Variants in MDGA2 observed in about 807,000 individuals in gnomAD.
The protein encoded by MDGA2 is MAM domain-containing glycosylphosphatidylinositol anchor protein 2.
A neutral mutation model predicts 117.8 loss-of-function variants in MDGA2; 40 were observed. That is an observed-to-expected ratio of 0.34 (90% confidence interval 0.26 to 0.44). The LOEUF (loss-of-function observed/expected upper bound fraction) is 0.44, where lower values mean the gene tolerates loss of function less well. MDGA2 is among the 20% of genes least tolerant of loss of function. MDGA2 has a pLI of 1.00. For missense variants in MDGA2, 1,123 were observed against 1,250.6 expected, an observed-to-expected ratio of 0.90 and a Z score of 1.54; for synonymous variants, 452 against 439.0, an observed-to-expected ratio of 1.03 and a Z score of -0.37.
chr14:47,592,119 C>G (rs897646478), intron 1 of MDGA2, among the ~76,000 whole-genome samples: 25 of 152,014 alleles, frequency 1.6e-4, no homozygotes, highest in African/African-American at 6.0e-4. Context: ...AGAGCCAAAT[C>G]ATGAATGAAC....
chr14:47,426,545 A>G (rs1036980169), intron 1 of MDGA2, among the ~76,000 whole-genome samples: 2 of 151,840 alleles, frequency 1.3e-5, no homozygotes, highest in Non-Finnish European at 2.9e-5. Flanking sequence ...TAGTATTACT[A>G]GTTAGATAAT....
At chr14:47,076,954 T>C (rs1349737537) in intron 6 of MDGA2, among the ~76,000 whole-genome samples, 1 of 152,090 alleles carries the variant, frequency 6.6e-6, no homozygotes, top group Admixed American at 6.6e-5. Context: ...TACTCACCCA[T>C]TTTTTAATAA....
chr14:47,548,811 A>C (rs1227445736), intron 1 of MDGA2, among the ~76,000 whole-genome samples: 1 of 152,086 alleles, frequency 6.6e-6, no homozygotes, highest in Non-Finnish European at 1.5e-5. Flanking sequence ...GGCGGACATT[A>C]TCATATCTCC....
intron 3 of MDGA2, among the ~76,000 whole-genome samples, chr14:47,187,958 T>C (rs1884972211): frequency 6.6e-6 from 1 of 152,088 alleles, no homozygotes; most frequent in East Asian, 1.9e-4. Flanking sequence ...CTCTACATTT[T>C]TTATGTTCCA....
chr14:47,621,652 T>G (rs956830590), intron 1 of MDGA2, among the ~76,000 whole-genome samples: 1 of 152,182 alleles, frequency 6.6e-6, no homozygotes, highest in Non-Finnish European at 1.5e-5. Context: ...AGGGATGATG[T>G]TAACTGTTTC....
At chr14:47,047,416 T>C (rs1889303956) in intron 7 of MDGA2, among the ~76,000 whole-genome samples, 1 of 152,164 alleles carries the variant, frequency 6.6e-6, no homozygotes, top group Admixed American at 6.6e-5. Context: ...AAGTGTCCTC[T>C]AAACACTTTG....
chr14:46,956,265 CAACT>C lies in MDGA2; in HGVS notation c.2089+1105_2089+1108del, dbSNP rs1885558354. Among the ~76,000 whole-genome samples the C allele has an allele frequency of 2.6e-5, 4 of 152,116 alleles. No homozygotes were observed. The South Asian group carries it at 8.3e-4, about 32-fold the overall frequency. ...ACTACCATGAACATTTCAACTATTA[CAACT>C]AACTTTACCTATGACAAAGAAAATG... On this transcript the variant is annotated intron_variant, in intron 9 of 16. Coordinates refer to ENST00000399232, the MANE Select transcript of MDGA2 (RefSeq NM_001113498.3).
chr14:47,006,803 C>T (rs761789671), intron 8 of MDGA2, among the ~76,000 whole-genome samples: 3 of 151,552 alleles, frequency 2.0e-5, no homozygotes, highest in Non-Finnish European at 4.4e-5. Context: ...GATCTTTAAA[C>T]AGAGTTCCTG....
At chr14:46,942,173 C>G (rs560488754) in intron 9 of MDGA2, among the ~76,000 whole-genome samples, 4 of 152,070 alleles carry the variant, frequency 2.6e-5, no homozygotes, top group African/African-American at 9.6e-5. Context: ...TTTTAGCTTC[C>G]CCAACTAAAA....
At chr14:47,549,341 T>TTCTCTCTCTCTCTC (rs1411617142) in intron 1 of MDGA2, among the ~76,000 whole-genome samples, 3 of 64,778 alleles carry the variant, frequency 4.6e-5, no homozygotes, top group South Asian at 5.3e-4. Flanking sequence ...TTCACCAGTA[T>TTCTCTCTCTCTCTC]TATCTCTCTC....
In MDGA2 at chr14:46,845,785, T is replaced by A. The variant is rs756501263; in HGVS notation, c.2970A>T (p.Lys990Asn). 6.2e-7 allele frequency: 1 copy of A among 1,612,710 alleles called. No individual in the cohort carries two copies. Among genetic ancestry groups the A allele is most frequent in the South Asian group, 1.1e-5 (1 of 90,984 alleles). Reference protein sequence around the residue: ...DVSIAEGECAKQDLATKNSVD... With the variant: ...DVSIAEGECANQDLATKNSVD... Reference sequence around the variant, plus strand: ...ACTTACTCTTAGTTGCTAGGTCTTGTTTTGCACATTCTCCTTCTGCAATTG... The same window carrying A: ...ACTTACTCTTAGTTGCTAGGTCTTGATTTGCACATTCTCCTTCTGCAATTG... The change falls in exon 16 of 17, where the codon AAA becomes AAT. Residue 990 changes from lysine (K) to asparagine (N), a missense_variant. By Grantham distance (94) the Lys-to-Asn change is moderately conservative (BLOSUM62 0). Around this residue, in one of 2 missense-constraint regions of MDGA2, gnomAD observed 890 missense variants for 1,050.3 expected, o/e 0.85. Coordinates refer to ENST00000399232, the MANE Select transcript of MDGA2 (RefSeq NM_001113498.3).
At chr14:47,027,226 G>T (rs1227293520) in intron 8 of MDGA2, among the ~76,000 whole-genome samples, 1 of 151,990 alleles carries the variant, frequency 6.6e-6, no homozygotes, top group African/African-American at 2.4e-5. Flanking sequence ...AGGGTTTCAA[G>T]GGGAGAAAAT....
chr14:46,968,488 G>A (rs919834968), intron 8 of MDGA2, among the ~76,000 whole-genome samples: 2 of 152,070 alleles, frequency 1.3e-5, no homozygotes, highest in African/African-American at 4.8e-5. Flanking sequence ...GTCCCTCTTT[G>A]CTGATGACAT....
intron 8 of MDGA2, among the ~76,000 whole-genome samples, chr14:47,030,289 TG>T (rs1888615948): frequency 6.6e-6 from 1 of 151,946 alleles, no homozygotes; most frequent in South Asian, 2.1e-4. Flanking sequence ...CTGAGGTTGG[TG>T]GATCACCTGA....
intron 2 of MDGA2, among the ~76,000 whole-genome samples, chr14:47,282,831 C>G (rs891122728): frequency 6.6e-6 from 1 of 151,522 alleles, no homozygotes; most frequent in Middle Eastern, 3.2e-3. Flanking sequence ...GCCTGTAATC[C>G]CAGCTACTCA....
intron 2 of MDGA2, among the ~76,000 whole-genome samples, chr14:47,270,083 G>C (rs1888096745): frequency 1.3e-5 from 2 of 152,128 alleles, no homozygotes; most frequent in African/African-American, 4.8e-5. Flanking sequence ...GCTGCTGTGG[G>C]GTTGATCTCA....
chr14:47,005,243 G>C (rs1178264548), intron 8 of MDGA2, among the ~76,000 whole-genome samples: 2 of 151,534 alleles, frequency 1.3e-5, no homozygotes, highest in Non-Finnish European at 3.0e-5. Context: ...TTGGTATTTA[G>C]TTTTATCAGG....
chr14:46,979,985 T>G lies in MDGA2; in HGVS notation c.1820-22342A>C, dbSNP rs865821566. ...TTCATAGCTAAAGAGGAGAAGTCAA[T>G]GCATGGCTTCAAACCTTCAAATTAC... On this transcript the variant is annotated intron_variant, in intron 8 of 16. Transcript: ENST00000399232. Among the ~76,000 whole-genome samples the G allele has an allele frequency of 4.6e-5, 7 of 152,322 alleles. No individual in the cohort carries two copies. The South Asian group carries it at 6.2e-4, about 14-fold the overall frequency.
At chr14:47,049,470 G>A (rs1889378083) in intron 7 of MDGA2, among the ~76,000 whole-genome samples, 1 of 151,868 alleles carries the variant, frequency 6.6e-6, no homozygotes, top group Non-Finnish European at 1.5e-5. Flanking sequence ...TTTAATAGTA[G>A]TACTATATTA....
Sources: allele counts gnomAD v4.1 joint callset (sites outside exome capture counted in the v4.1 genomes callset), GRCh38; gene constraint gnomAD v4.1.1; regional missense constraint gnomAD v4.1.1; transcripts MANE v1.5; gene names NCBI Gene and HGNC (gene_info 2026-07-23, HGNC 2026-07-21).